CLDN16: variants seen among roughly 807,000 people sequenced by gnomAD.
CLDN16 encodes the protein claudin 16, also known as claudin-16.
Under a neutral mutation model 24.6 loss-of-function variants are expected in CLDN16, and 13 were observed. The observed-to-expected ratio is 0.53, with a 90% CI of 0.34 to 0.84. The LOEUF is 0.84. CLDN16 is among the 40% of genes least tolerant of loss of function. CLDN16 has a pLI of 0.01. For missense variants in CLDN16, 298 were observed against 292.7 expected (o/e 1.02, Z -0.13); for synonymous variants, 116 against 106.7 (o/e 1.09, Z -0.54).
chr3:190,336,988 A>T (rs376259905), intron 1 of CLDN16, among the ~76,000 whole-genome samples: 12 of 152,276 alleles, frequency 7.9e-5, no homozygotes, highest in African/African-American at 2.9e-4. Context: ...ACCTGACACC[A>T]CTCAATCAGC....
intron 1 of CLDN16, among the ~76,000 whole-genome samples, chr3:190,329,619 C>A (rs1015615329): frequency 1.3e-5 from 2 of 152,060 alleles, no homozygotes; most frequent in African/African-American, 4.8e-5. Context: ...GACTTGGAAC[C>A]AGGAAGATTG....
At chr3:190,363,556 G>GTGTGTATATATATATA (rs1301414615) in intron 1 of CLDN16, among the ~76,000 whole-genome samples, 1 of 87,428 alleles carries the variant, frequency 1.1e-5, no homozygotes, top group African/African-American at 4.7e-5. Context: ...GTGTGTGTGT[G>GTGTGTATATATATATA]TATATATATA....
the CLDN16 span, chr3:190,310,043 G>T: frequency 3.9e-6 from 3 of 766,566 alleles, no homozygotes; most frequent in Admixed American, 2.0e-5. Flanking sequence ...CATTTAAATT[G>T]TTTGTAGGTT....
chr3:190,309,087 A>G, the CLDN16 span, among the ~76,000 whole-genome samples: 4 of 152,192 alleles, frequency 2.6e-5, no homozygotes, highest in African/African-American at 9.6e-5. Flanking sequence ...CTAAATCCTG[A>G]TGCAGACTCT....
At chr3:190,382,000 C>A (rs976121305) in intron 3 of CLDN16, among the ~76,000 whole-genome samples, 1 of 151,702 alleles carries the variant, frequency 6.6e-6, no homozygotes, top group Admixed American at 6.6e-5. Context: ...TTAATAATGA[C>A]CAATTGAATG....
At chr3:190,324,590 A>C (rs902074110) in intron 1 of CLDN16, among the ~76,000 whole-genome samples, 20 of 152,196 alleles carry the variant, frequency 1.3e-4, no homozygotes, top group African/African-American at 4.6e-4. Context: ...GTTTCTATCA[A>C]CCTACAATTA....
In CLDN16 at chr3:190,342,881, C is replaced by T. The variant is rs949797806; in HGVS notation, n.121+20220C>T. ...CCTGGAAAAAAACATAGGGGAAAAA[C>T]TCCTTGACATTGGCCTTGGCAATGA... On this transcript the variant is annotated intron_variant and non_coding_transcript_variant, in intron 1 of 4. Transcript: ENST00000468220. Among the ~76,000 whole-genome samples, 12 of 152,208 alleles carry T rather than the reference C, an allele frequency of 7.9e-5. No individual in the cohort carries two copies. In the South Asian group the frequency reaches 1.0e-3, roughly 13 times the overall value.
At chr3:190,374,574 G>T (rs547599368) in exon 3 of CLDN16, 1 of 151,910 alleles carries the variant, frequency 6.6e-6, no homozygotes, top group East Asian at 1.9e-4. Flanking sequence ...ATTCTCTTGT[G>T]GTTGGATCTA....
the CLDN16 span, among the ~76,000 whole-genome samples, chr3:190,303,222 T>C: frequency 6.6e-6 from 1 of 152,240 alleles, no homozygotes; most frequent in African/African-American, 2.4e-5. Context: ...AAGTATTCTC[T>C]GCTATTCCTC....
In CLDN16 at chr3:190,410,715, T is replaced by A. The variant is rs1433028193; in HGVS notation, c.*679T>A. The A allele has an allele frequency of 6.6e-6, 1 of 152,166 alleles. No individual in the cohort carries two copies. The highest frequency in any genetic ancestry group is 1.5e-5 in the Non-Finnish European group (1 of 68,082). The allele number at this position is 152,166 out of a possible 1,614,324, so 9.4% of individuals were successfully genotyped here. A position where few individuals can be genotyped will look rare whatever the true frequency, so the allele number is the denominator to read the frequency against. ...TCACTAACAACATAAGGGATCTCCA[T>A]ATTATTTCACCACTATTCTAGCTTT... On this transcript the variant is annotated 3_prime_UTR_variant, in exon 5 of 5. Transcript: ENST00000264734.
intron 1 of CLDN16, among the ~76,000 whole-genome samples, chr3:190,366,337 T>C (rs999322648): frequency 6.6e-6 from 1 of 151,988 alleles, no homozygotes; most frequent in Admixed American, 6.6e-5. Flanking sequence ...ACAATGCCAC[T>C]GACACAGCAT....
chr3:190,372,833 G>C (rs557958678), intron 2 of CLDN16, among the ~76,000 whole-genome samples: 1 of 152,010 alleles, frequency 6.6e-6, no homozygotes, highest in South Asian at 2.1e-4. Context: ...CCCAATACGA[G>C]GGGCTTGTAC....
In CLDN16 at chr3:190,408,496, C is replaced by G. The variant is rs1035298979; in HGVS notation, c.565C>G (p.Leu189Val). The change falls in exon 4 of 5, where the codon CTT (leucine) becomes GTT (valine). Residue 189 changes from leucine (L) to valine (V), a missense_variant. By Grantham distance (32) the Leu-to-Val change is conservative. Coordinates refer to ENST00000264734, the MANE Select transcript of CLDN16 (RefSeq NM_006580.4). ...AGCTGTTCTCACCTGCTGCTTATAT[C>G]TTTTTAAAGGTAAGAATAAAATAAA... ...AGAVLTCCLY[L>V]FKDVGPERNY... 4 of 1,613,634 alleles carry G rather than the reference C, an allele frequency of 2.5e-6. No individual in the cohort carries two copies. The African/African-American group carries it at 5.3e-5, about 22-fold the overall frequency.
chr3:190,333,298 A>G (rs1214584163), intron 1 of CLDN16, among the ~76,000 whole-genome samples: 45 of 152,172 alleles, frequency 3.0e-4, no homozygotes, highest in Admixed American at 2.9e-3. Flanking sequence ...GTGTTAAAAT[A>G]ATTTATTTTC....
At chr3:190,317,523 T>C in the CLDN16 span, among the ~76,000 whole-genome samples, 2 of 152,230 alleles carry the variant, frequency 1.3e-5, no homozygotes, top group African/African-American at 4.8e-5. Context: ...CAGACATATA[T>C]GTAATTTTTC....
At chr3:190,348,234 A>G (rs1483822730) in intron 1 of CLDN16, among the ~76,000 whole-genome samples, 6 of 142,282 alleles carry the variant, frequency 4.2e-5, no homozygotes, top group African/African-American at 1.6e-4. Context: ...CAGCCTGGCG[A>G]CAGAGCAAGA....
chr3:190,378,122 T>G (rs1718283864), intron 3 of CLDN16, among the ~76,000 whole-genome samples: 1 of 152,022 alleles, frequency 6.6e-6, no homozygotes, highest in Non-Finnish European at 1.5e-5. Flanking sequence ...TCCTTGTCCA[T>G]TAAACACATG....
intron 3 of CLDN16, among the ~76,000 whole-genome samples, chr3:190,407,440 A>G (rs570705954): frequency 9.1e-4 from 139 of 152,190 alleles, no homozygotes; most frequent in Non-Finnish European, 1.4e-3. Flanking sequence ...CTTAGACAAC[A>G]TATAGATTAC....
upstream of CLDN16, among the ~76,000 whole-genome samples, chr3:190,318,987 TGA>T (rs1716843257): frequency 6.6e-6 from 1 of 152,106 alleles, no homozygotes; most frequent in Non-Finnish European, 1.5e-5. Context: ...TCGGTGAGAT[TGA>T]GAGAGAGTCT....
Sources: gnomAD v4.1 joint callset for allele counts (sites outside exome capture counted in the v4.1 genomes callset) on GRCh38, gnomAD v4.1.1 for gene constraint, MANE v1.5 for transcripts, NCBI Gene and HGNC (gene_info 2026-07-23, HGNC 2026-07-21) for gene names.